The following DPH6 variants were observed in gnomAD, a reference collection of about 807,000 sequenced individuals.
DPH6 encodes diphthamine biosynthesis 6, also known as diphthine--ammonia ligase.
In DPH6, 33 loss-of-function variants were observed where a neutral mutation model predicts 38.2. That is an observed-to-expected ratio of 0.86 (90% CI 0.65 to 1.15). The LOEUF is 1.15. Among genes scored for constraint, DPH6 ranks in the 50% most tolerant of loss-of-function variants. The probability of loss-of-function intolerance (pLI) is 0.00; values close to 1 mark genes in which losing one functional copy is unlikely to be tolerated. For missense variants in DPH6, 325 were observed against 320.0 expected, an observed-to-expected ratio of 1.02 and a Z score of -0.12; for synonymous variants, 108 against 103.0, an observed-to-expected ratio of 1.05 and a Z score of -0.30.
At chr15:35,520,331 G>A in intron 3 of DPH6, 2 of 982,724 alleles carry the variant, frequency 2.0e-6, no homozygotes, top group Non-Finnish European at 2.4e-6. Context: ...GAAAAAGCAA[G>A]TTTTTCCTCA....
chr15:35,214,900 G>A (rs902787834), downstream of DPH6, among the ~76,000 whole-genome samples: 1 of 152,150 alleles, frequency 6.6e-6, no homozygotes, highest in East Asian at 1.9e-4. Flanking sequence ...GAGCCACCAC[G>A]CTTGGCCCTG....
intron 5 of DPH6, among the ~76,000 whole-genome samples, chr15:35,441,518 G>C (rs1390177497): frequency 1.3e-5 from 2 of 152,202 alleles, no homozygotes; most frequent in Admixed American, 6.5e-5. Flanking sequence ...CAGGGACATG[G>C]ATGAAGCTGG....
chr15:35,439,626 A>G (rs1297496953), intron 5 of DPH6, among the ~76,000 whole-genome samples: 1 of 152,218 alleles, frequency 6.6e-6, no homozygotes. Context: ...CCCTGTCTAC[A>G]TAGTCCCTGT....
intron 3 of DPH6, among the ~76,000 whole-genome samples, chr15:35,246,181 C>T (rs1273011591): frequency 6.6e-6 from 1 of 152,182 alleles, no homozygotes; most frequent in Non-Finnish European, 1.5e-5. Context: ...CTCAGCCCAC[C>T]TGCACCCAGG....
chr15:35,307,796 T>C (rs188988490), intron 3 of DPH6, among the ~76,000 whole-genome samples: 1 of 152,262 alleles, frequency 6.6e-6, no homozygotes, highest in African/African-American at 2.4e-5. Flanking sequence ...CACACACACA[T>C]ATATTCAGAG....
chr15:35,514,821 A>C (rs1297905174), intron 3 of DPH6, among the ~76,000 whole-genome samples: 1 of 152,224 alleles, frequency 6.6e-6, no homozygotes, highest in African/African-American at 2.4e-5. Context: ...AGTCCCCAAC[A>C]GGCCCAGATA....
At chr15:35,536,732 A>C (rs1046742314) in intron 3 of DPH6, among the ~76,000 whole-genome samples, 1 of 152,066 alleles carries the variant, frequency 6.6e-6, no homozygotes, top group Non-Finnish European at 1.5e-5. Context: ...ATAAAAACTT[A>C]ATGCCCAAAT....
intron 3 of DPH6, among the ~76,000 whole-genome samples, chr15:35,455,514 T>C (rs1483179197): frequency 6.6e-6 from 1 of 152,066 alleles, no homozygotes; most frequent in Non-Finnish European, 1.5e-5. Context: ...TTGCAGAGGA[T>C]ACAAAGCTAG....
At chr15:35,429,415 G>C (rs1250911600) in intron 5 of DPH6, among the ~76,000 whole-genome samples, 1 of 152,032 alleles carries the variant, frequency 6.6e-6, no homozygotes, top group East Asian at 1.9e-4. Flanking sequence ...TCTGAATTCT[G>C]ATTCTATTAT....
At chr15:35,211,421 A>AG in the DPH6 span, among the ~76,000 whole-genome samples, 1 of 152,182 alleles carries the variant, frequency 6.6e-6, no homozygotes, top group Non-Finnish European at 1.5e-5. Context: ...AGAGCTCACA[A>AG]AAGAGTCACA....
At chr15:35,188,899 T>A in the DPH6 span, among the ~76,000 whole-genome samples, 6 of 152,136 alleles carry the variant, frequency 3.9e-5, no homozygotes, top group South Asian at 1.2e-3. Flanking sequence ...TCATGATTTC[T>A]GTTCACCCTG....
intron 3 of DPH6, among the ~76,000 whole-genome samples, chr15:35,320,073 C>A (rs1043947265): frequency 1.3e-5 from 2 of 151,904 alleles, no homozygotes; most frequent in Non-Finnish European, 2.9e-5. Context: ...ACTTTTCAGC[C>A]CAACTACTGA....
intron 3 of DPH6, among the ~76,000 whole-genome samples, chr15:35,254,628 C>T (rs1235488677): frequency 6.6e-6 from 1 of 152,160 alleles, no homozygotes; most frequent in Non-Finnish European, 1.5e-5. Context: ...GGAAGCATCA[C>T]TGGTCCAGAA....
At chr15:35,324,655 G>C (rs1470314986) in intron 3 of DPH6, among the ~76,000 whole-genome samples, 1 of 152,070 alleles carries the variant, frequency 6.6e-6, no homozygotes, top group Non-Finnish European at 1.5e-5. Flanking sequence ...CAGTAATCAG[G>C]AATCAAGATG....
chr15:35,392,972 G>A (rs1218519127), intron 6 of DPH6, among the ~76,000 whole-genome samples: 1 of 152,220 alleles, frequency 6.6e-6, no homozygotes, highest in Non-Finnish European at 1.5e-5. Context: ...TAATGGCAGT[G>A]AGACAAGGCT....
At chr15:35,514,138 G>A (rs951650242) in intron 3 of DPH6, among the ~76,000 whole-genome samples, 1 of 152,012 alleles carries the variant, frequency 6.6e-6, no homozygotes, top group African/African-American at 2.4e-5. Flanking sequence ...CCATAAAGAA[G>A]AAAGCATCGA....
At chr15:35,283,291 C>G (rs552589581) in intron 3 of DPH6, among the ~76,000 whole-genome samples, 1 of 150,224 alleles carries the variant, frequency 6.7e-6, no homozygotes, top group Non-Finnish European at 1.5e-5. Flanking sequence ...CTTCTTCTTC[C>G]TCCTCCTCCT....
intron 3 of DPH6, among the ~76,000 whole-genome samples, chr15:35,312,576 A>G (rs1164307259): frequency 2.0e-5 from 3 of 152,212 alleles, no homozygotes; most frequent in Non-Finnish European, 4.4e-5. Flanking sequence ...ATCCAGAATC[A>G]CTACAGTTTA....
At chr15:35,408,589 A>G (rs945255248) in intron 6 of DPH6, among the ~76,000 whole-genome samples, 1 of 152,042 alleles carries the variant, frequency 6.6e-6, no homozygotes, top group Non-Finnish European at 1.5e-5. Context: ...GAAAGTTTCT[A>G]GACGGAAAAT....
Sources: allele counts gnomAD v4.1 joint callset (sites outside exome capture counted in the v4.1 genomes callset), GRCh38; gene constraint gnomAD v4.1.1; transcripts MANE v1.5; gene names NCBI Gene and HGNC (gene_info 2026-07-23, HGNC 2026-07-21).